Variants in TRNAU1AP observed in about 807,000 individuals in gnomAD.
TRNAU1AP encodes tRNA selenocysteine 1 associated protein 1.
TRNAU1AP carries 33 observed loss-of-function variants against 43.3 expected under a neutral mutation model. The observed-to-expected ratio is 0.76, with a 90% CI of 0.58 to 1.02. The LOEUF is 1.02. TRNAU1AP is among the 50% of genes least tolerant of loss of function. TRNAU1AP has a pLI of 0.00. For synonymous variants in TRNAU1AP, 143 were observed against 129.1 expected, an observed-to-expected ratio of 1.11 and a Z score of -0.73; for missense variants, 290 against 362.7, an observed-to-expected ratio of 0.80 and a Z score of 1.63.
intron 6 of TRNAU1AP, among the ~76,000 whole-genome samples, chr1:28,569,052 C>T (rs1665604225): frequency 6.6e-6 from 1 of 152,102 alleles, no homozygotes; most frequent in African/African-American, 2.4e-5. Context: ...CTCAGGTGAT[C>T]TGCCTGCCTT....
chr1:28,570,501 G>A (rs1195982346), intron 6 of TRNAU1AP, among the ~76,000 whole-genome samples: 2 of 151,246 alleles, frequency 1.3e-5, no homozygotes, highest in Admixed American at 6.6e-5. Flanking sequence ...ACCTGCCTTC[G>A]CCTCCCAAAG....
chr1:28,553,913 A>T (rs1175618975), intron 2 of TRNAU1AP, 176 bp downstream of exon 2: 1 of 613,520 alleles, frequency 1.6e-6, no homozygotes, highest in Non-Finnish European at 2.9e-6. Context: ...TAAGGGTAGG[A>T]CTTGCCAGGC....
At chr1:28,561,512 G>C (rs146709883) in intron 4 of TRNAU1AP, 114 bp downstream of exon 4, 1 of 1,161,386 alleles carries the variant, frequency 8.6e-7, no homozygotes, top group Non-Finnish European at 1.3e-6. Flanking sequence ...GAAGGACGAC[G>C]CTCTTCTCCC....
intron 2 of TRNAU1AP, among the ~76,000 whole-genome samples, chr1:28,559,542 C>G (rs929338800): frequency 3.3e-5 from 5 of 151,464 alleles, no homozygotes; most frequent in Non-Finnish European, 7.4e-5. Flanking sequence ...GCAGGAGAAT[C>G]GCTTGAATCT....
chr1:28,562,969 C>T (rs1665449098), intron 4 of TRNAU1AP, among the ~76,000 whole-genome samples: 1 of 148,272 alleles, frequency 6.7e-6, no homozygotes, highest in Admixed American at 6.8e-5. Flanking sequence ...GATCTTGGCT[C>T]ACTGCAATCT....
chr1:28,575,484 C>T (rs1348668812), intron 8 of TRNAU1AP, among the ~76,000 whole-genome samples: 9 of 141,708 alleles, frequency 6.4e-5, no homozygotes, highest in Admixed American at 5.8e-4. Context: ...TTTTTTGAGA[C>T]GGTGTCTCAC....
At chr1:28,558,397 T>TG (rs1665325760) in intron 2 of TRNAU1AP, among the ~76,000 whole-genome samples, 1 of 150,526 alleles carries the variant, frequency 6.6e-6, no homozygotes, top group Admixed American at 6.7e-5. Context: ...GTATATTTTT[T>TG]TTTTGTTTGT....
At chr1:28,555,095 T>C (rs1301752486) in intron 2 of TRNAU1AP, among the ~76,000 whole-genome samples, 1 of 151,742 alleles carries the variant, frequency 6.6e-6, no homozygotes, top group African/African-American at 2.4e-5. Context: ...CCAGGCGTGG[T>C]GGTGCATGCC....
intron 8 of TRNAU1AP, among the ~76,000 whole-genome samples, chr1:28,575,525 C>T (rs1413505061): frequency 2.7e-5 from 4 of 150,534 alleles, no homozygotes; most frequent in African/African-American, 4.9e-5. Context: ...TGCAGTGGCG[C>T]GATCTCAGCT....
chr1:28,577,305 AT>A (rs1665811780), intron 8 of TRNAU1AP, among the ~76,000 whole-genome samples, 194 bp from the exon 9 acceptor site: 1 of 152,156 alleles, frequency 6.6e-6, no homozygotes, highest in Non-Finnish European at 1.5e-5. Context: ...AACAGCTGCC[AT>A]TTTCCCATTC....
At chr1:28,565,978 C>G (rs1435605790) in intron 5 of TRNAU1AP, among the ~76,000 whole-genome samples, 2 of 152,016 alleles carry the variant, frequency 1.3e-5, no homozygotes, top group African/African-American at 4.8e-5. Context: ...GTGGATACCA[C>G]TTTCATGGAA....
intron 8 of TRNAU1AP, among the ~76,000 whole-genome samples, chr1:28,574,345 C>A (rs560375789): frequency 3.3e-5 from 5 of 152,142 alleles, no homozygotes; most frequent in African/African-American, 1.2e-4. Flanking sequence ...GCCTCAGCCT[C>A]CCAAAGTGCT....
chr1:28,566,596 T>C (rs1324025216), intron 5 of TRNAU1AP, among the ~76,000 whole-genome samples: 1 of 150,942 alleles, frequency 6.6e-6, no homozygotes, highest in Non-Finnish European at 1.5e-5. Flanking sequence ...ACTAAAAAAA[T>C]AAAATACAAA....
intron 2 of TRNAU1AP, among the ~76,000 whole-genome samples, chr1:28,555,281 T>A (rs1186004471): frequency 1.3e-5 from 2 of 152,086 alleles, no homozygotes; most frequent in Non-Finnish European, 2.9e-5. Flanking sequence ...TCTACTGTTA[T>A]ACATTCCTGG....
chr1:28,553,091 C>T lies in TRNAU1AP; in HGVS notation c.-20C>T. ...CGCCCGCAGAGCCCCGCCCGCAAAG[C>T]CCCACCCCGGTGCGCGGGTATGGCG... On this transcript the variant is annotated 5_prime_UTR_variant, in exon 1 of 9. Coordinates refer to ENST00000373830, the MANE Select transcript of TRNAU1AP (RefSeq NM_017846.5). 1.3e-6 allele frequency: 2 copies of T among 1,525,464 alleles called. No homozygotes were observed. The highest frequency in any genetic ancestry group is 1.8e-6 in the Non-Finnish European group (2 of 1,135,438). The allele number at this position is 1,525,464 out of a possible 1,614,324, so 94.5% of individuals were successfully genotyped here. A position where few individuals can be genotyped will look rare whatever the true frequency, so the allele number is the denominator to read the frequency against.
chr1:28,576,410 C>T (rs1665782206), intron 8 of TRNAU1AP, among the ~76,000 whole-genome samples: 1 of 151,606 alleles, frequency 6.6e-6, no homozygotes, highest in African/African-American at 2.4e-5. Flanking sequence ...CCTCCGCCTC[C>T]CGGGTTCAAG....
At chr1:28,564,888 C>A in intron 5 of TRNAU1AP, 54 bp downstream of exon 5, 1 of 1,609,506 alleles carries the variant, frequency 6.2e-7, no homozygotes, top group Non-Finnish European at 8.5e-7. Flanking sequence ...GCCTTTCTCT[C>A]CTGAGTGGAG....
Position 28,567,342 on chromosome 1 carries a change from C to G in TRNAU1AP, c.459C>G (p.Ala153=). ...KFTDELEQKR[A]LTECQGAVGL... ...CAGATGAACTGGAACAGAAGCGAGC[C>G]CTGACGGAGTGCCAGGGAGCAGTGG... Residue 153 remains alanine, a synonymous_variant, in exon 6 of 9, where the codon GCC becomes GCG. Coordinates refer to ENST00000373830, the MANE Select transcript of TRNAU1AP (RefSeq NM_017846.5). The G allele has an allele frequency of 1.2e-6, 2 of 1,613,804 alleles. No individual in the cohort carries two copies. Among genetic ancestry groups the G allele is most frequent in the Non-Finnish European group, 1.7e-6 (2 of 1,179,962 alleles).
chr1:28,561,940 C>T (rs1388376212), intron 4 of TRNAU1AP, among the ~76,000 whole-genome samples: 1 of 152,096 alleles, frequency 6.6e-6, no homozygotes, highest in Non-Finnish European at 1.5e-5. Flanking sequence ...GGCGTGGTGG[C>T]AGGCGCCTGT....
Sources: allele counts gnomAD v4.1 joint callset (sites outside exome capture counted in the v4.1 genomes callset), GRCh38; gene constraint gnomAD v4.1.1; transcripts MANE v1.5; gene names NCBI Gene and HGNC (gene_info 2026-07-23, HGNC 2026-07-21).